EYA4: variants seen among roughly 807,000 people sequenced by gnomAD.
EYA4 encodes protein phosphatase EYA4.
In EYA4, 31 loss-of-function variants were observed where a neutral mutation model predicts 87.9. The ratio of observed to expected loss-of-function variants is 0.35; its 90% CI spans 0.27 to 0.48. The LOEUF (loss-of-function observed/expected upper bound fraction) is 0.48. Ranked by LOEUF, EYA4 falls within the 20% of genes least tolerant of loss-of-function variation. The pLI is 0.99. For synonymous variants in EYA4, 263 were observed against 270.6 expected, an observed-to-expected ratio of 0.97 and a Z score of 0.28; for missense variants, 678 against 761.4, an observed-to-expected ratio of 0.89 and a Z score of 1.29.
chr6:133,315,882 C>T lies in EYA4; in HGVS notation c.33+41069C>T, dbSNP rs9399060. Among the ~76,000 whole-genome samples the T allele has an allele frequency of 0.012, 1,834 of 152,260 alleles. 170 individuals carry two copies. In the East Asian group the frequency reaches 0.25, roughly 20 times the overall value. ...TCATTTTGGAATAGAGTGGCAGCCA[C>T]AGTGTGGGAACTTCAGAAAAGGGGG... is the stretch of plus-strand genomic sequence containing the variant. On this transcript the variant is annotated intron_variant, in intron 2 of 19. Transcript: ENST00000355286.
intron 2 of EYA4, among the ~76,000 whole-genome samples, chr6:133,320,901 A>T (rs1028384035): frequency 6.6e-6 from 1 of 152,128 alleles, no homozygotes; most frequent in African/African-American, 2.4e-5. Context: ...TTTTCTACAT[A>T]CTGAGGTGTA....
chr6:133,525,022 A>G lies in EYA4; in HGVS notation c.1739-132A>G, dbSNP rs192602468. The G allele has an allele frequency of 6.0e-5, 97 of 1,613,378 alleles. No homozygotes were observed. The East Asian group carries it at 1.9e-3, about 32-fold the overall frequency. On this transcript the variant is annotated intron_variant, in intron 18 of 19. Transcript: ENST00000355286. ...CAGTGCATTGTTTTTCAGGCAAGGA[A>G]AGCTGTTTTGAGCGTATAGTGTCCA...
At position 133,493,226 on chromosome 6, in the gene EYA4, A is replaced by C. The variant is rs143449894; in HGVS notation, c.1191+10111A>C. Reference sequence around the variant, plus strand: ...ACAAAGTGATAGTAACAAAAACAACATGGTACTGTCATAAAAACAGACATA... The same window carrying C: ...ACAAAGTGATAGTAACAAAAACAACCTGGTACTGTCATAAAAACAGACATA... On this transcript the variant is annotated intron_variant, in intron 13 of 19. Coordinates refer to ENST00000355286, the MANE Select transcript of EYA4 (RefSeq NM_004100.5). Among the ~76,000 whole-genome samples the C allele has an allele frequency of 1.6e-3, 251 of 152,320 alleles. 1 individual carries two copies. Among genetic ancestry groups the C allele is most frequent in the African/African-American group, 5.8e-3 (241 of 41,584 alleles).
chr6:133,370,935 T>G (rs1430897707), intron 2 of EYA4, among the ~76,000 whole-genome samples: 1 of 151,780 alleles, frequency 6.6e-6, no homozygotes, highest in African/African-American at 2.4e-5. Flanking sequence ...GAGGTTTACC[T>G]TCCTTTAGAT....
chr6:133,425,609 T>C lies in EYA4; in HGVS notation c.84-21021T>C, dbSNP rs116735103. 4.2e-3 allele frequency among the ~76,000 whole-genome samples: 627 copies of C among 150,862 alleles called. 43 individuals carry two copies. Among genetic ancestry groups the C allele is most frequent in the African/African-American group, 0.014 (580 of 40,320 alleles). ...CAAAACCTGAATTATTTTTGTAATG[T>C]CCCTCTGTTCACATTTGATTAGTTT... is the stretch of plus-strand genomic sequence containing the variant. On this transcript the variant is annotated intron_variant, in intron 3 of 19. Transcript: ENST00000355286.
chr6:133,369,996 G>A (rs1368019422), intron 2 of EYA4, among the ~76,000 whole-genome samples: 1 of 152,264 alleles, frequency 6.6e-6, no homozygotes, highest in East Asian at 1.9e-4. Flanking sequence ...AAAGCCATTG[G>A]TCGGAACCAG....
intron 2 of EYA4, among the ~76,000 whole-genome samples, chr6:133,278,875 GC>G (rs1366611464): frequency 2.6e-5 from 4 of 152,090 alleles, no homozygotes; most frequent in Non-Finnish European, 4.4e-5. Context: ...GCCAGTTACA[GC>G]TTATTACAGT....
chr6:133,524,915 C>A, intron 18 of EYA4: 1 of 986,538 alleles, frequency 1.0e-6, no homozygotes, highest in Non-Finnish European at 1.6e-6. Context: ...GGTTGTGAGC[C>A]AGTTCAAGTG....
chr6:133,358,378 A>T (rs1483925094), intron 2 of EYA4, among the ~76,000 whole-genome samples: 1 of 152,198 alleles, frequency 6.6e-6, no homozygotes, highest in East Asian at 1.9e-4. Context: ...GACAAGAATG[A>T]TCTCACAGGC....
At chr6:133,405,932 C>T (rs1788662527) in intron 3 of EYA4, among the ~76,000 whole-genome samples, 1 of 151,978 alleles carries the variant, frequency 6.6e-6, no homozygotes, top group Admixed American at 6.6e-5. Context: ...TGCAAAGGTC[C>T]TGAGGTGAGA....
chr6:133,324,696 A>G (rs760724702), intron 2 of EYA4, among the ~76,000 whole-genome samples: 1 of 152,132 alleles, frequency 6.6e-6, no homozygotes, highest in Non-Finnish European at 1.5e-5. Flanking sequence ...GCTGGTTCTC[A>G]GCATAGCTCA....
At chr6:133,297,393 A>G (rs1779023728) in intron 2 of EYA4, among the ~76,000 whole-genome samples, 2 of 152,214 alleles carry the variant, frequency 1.3e-5, no homozygotes, top group Non-Finnish European at 2.9e-5. Context: ...AGGAATTGTC[A>G]GGAACAGTGT....
intron 3 of EYA4, among the ~76,000 whole-genome samples, chr6:133,384,527 C>G (rs1236379216): frequency 6.6e-6 from 1 of 152,098 alleles, no homozygotes; most frequent in African/African-American, 2.4e-5. Flanking sequence ...AACAAGCAAA[C>G]AAATACAATA....
chr6:133,398,537 C>T (rs533612489), intron 3 of EYA4, among the ~76,000 whole-genome samples: 1 of 151,948 alleles, frequency 6.6e-6, no homozygotes, highest in South Asian at 2.1e-4. Flanking sequence ...TTTCATGTTG[C>T]CTTTATCCAG....
chr6:133,299,636 C>T (rs558692483), intron 2 of EYA4, among the ~76,000 whole-genome samples: 41 of 151,514 alleles, frequency 2.7e-4, no homozygotes, highest in African/African-American at 8.5e-4. Context: ...GGCGTGAACC[C>T]GGGAGGCGGA....
rs992624446 is a variant in EYA4 at position 133,403,372 on chromosome 6, G to A, written c.83+20931G>A. Among the ~76,000 whole-genome samples, 3 of 152,098 alleles carry A rather than the reference G, an allele frequency of 2.0e-5. No homozygotes were observed. In the East Asian group the frequency reaches 5.8e-4, roughly 29 times the overall value. Reference sequence around the variant, plus strand: ...CTTGCTTTATTGATATTTTTCACAGGCTTTATTTAACTCCCAAAGACCTAG... The same window carrying A: ...CTTGCTTTATTGATATTTTTCACAGACTTTATTTAACTCCCAAAGACCTAG... On this transcript the variant is annotated intron_variant, in intron 3 of 19. Coordinates refer to ENST00000355286, the MANE Select transcript of EYA4 (RefSeq NM_004100.5).
At chr6:133,319,065 G>T (rs1265548794) in intron 2 of EYA4, among the ~76,000 whole-genome samples, 1 of 152,116 alleles carries the variant, frequency 6.6e-6, no homozygotes, top group Non-Finnish European at 1.5e-5. Context: ...ATTCTGATTT[G>T]TATGGTGTAG....
chr6:133,524,351 A>G (rs1209956673), intron 18 of EYA4, among the ~76,000 whole-genome samples: 2 of 152,206 alleles, frequency 1.3e-5, no homozygotes, highest in Non-Finnish European at 2.9e-5. Flanking sequence ...GGACTTCTGA[A>G]CCATCAGATT....
chr6:133,251,018 C>G lies in EYA4; in HGVS notation c.-66+9269C>G, dbSNP rs533310417. Reference sequence around the variant, plus strand: ...GTATAAATTAGATACTGTGGGTCATCTTGGCAAATCTGAGGTTGTATTTGG... The same window carrying G: ...GTATAAATTAGATACTGTGGGTCATGTTGGCAAATCTGAGGTTGTATTTGG... On this transcript the variant is annotated intron_variant, in intron 1 of 19. Transcript: ENST00000355286. 5.3e-5 allele frequency among the ~76,000 whole-genome samples: 8 copies of G among 152,276 alleles called. No homozygotes were observed. In the South Asian group the frequency reaches 1.7e-3, roughly 32 times the overall value.
Sources: gnomAD v4.1 joint callset for allele counts (sites outside exome capture counted in the v4.1 genomes callset) on GRCh38, gnomAD v4.1.1 for gene constraint, MANE v1.5 for transcripts, NCBI Gene and HGNC (gene_info 2026-07-23, HGNC 2026-07-21) for gene names.